The following GAPDHS variants were observed in gnomAD, a reference collection of about 807,000 sequenced individuals.
The protein encoded by GAPDHS is glyceraldehyde-3-phosphate dehydrogenase, testis-specific.
A neutral mutation model predicts 48.7 loss-of-function variants in GAPDHS; 42 were observed. The observed-to-expected ratio is 0.86, with a 90% CI of 0.67 to 1.12. The LOEUF (loss-of-function observed/expected upper bound fraction) is 1.12. Ranked by LOEUF, GAPDHS falls within the 50% of genes most tolerant of loss-of-function variation. The probability of loss-of-function intolerance (pLI) is 0.00; values close to 1 mark genes in which losing one functional copy is unlikely to be tolerated. For missense variants in GAPDHS, 512 were observed against 557.7 expected, an observed-to-expected ratio of 0.92 and a Z score of 0.82; for synonymous variants, 166 against 219.1, an observed-to-expected ratio of 0.76 and a Z score of 2.14.
intron 6 of GAPDHS, 31 bp from the exon 7 acceptor site, chr19:35,542,912 TCA>T (rs770250334): frequency 3.2e-6 from 5 of 1,561,900 alleles, no homozygotes; most frequent in Non-Finnish European, 3.5e-6. Flanking sequence ...GCGACTCACC[TCA>T]CAGTGTCCGT....
chr19:35,536,827 C>A lies in GAPDHS; in HGVS notation c.82C>A (p.Pro28Thr), dbSNP rs1004996438. ...CCCCCGCATAGTGACCAGAGCACCG[C>A]CCCCACCTGAGCCTAAGGCTGAAGT... ...RQPCPVTRAP[P>T]PPEPKAEVEP... The change falls in exon 2 of 11, where the codon CCC (proline) becomes ACC (threonine). Residue 28 changes from proline (P) to threonine (T), a missense_variant. By Grantham distance (38) the Pro-to-Thr change is conservative. Coordinates refer to ENST00000222286, the MANE Select transcript of GAPDHS (RefSeq NM_014364.5). The A allele has an allele frequency of 2.5e-6, 4 of 1,611,770 alleles. No homozygotes were observed. The highest frequency in any genetic ancestry group is 3.4e-6 in the Non-Finnish European group (4 of 1,178,364).
intron 9 of GAPDHS, 99 bp from the exon 10 acceptor site, chr19:35,544,810 T>A (rs985372105): frequency 1.3e-6 from 1 of 776,890 alleles, no homozygotes; most frequent in African/African-American, 1.7e-5. Context: ...ATATTATAGA[T>A]GAATGCATGG....
At chr19:35,542,232 C>A in intron 4 of GAPDHS, 87 bp from the exon 5 acceptor site, 1 of 922,528 alleles carries the variant, frequency 1.1e-6, no homozygotes, top group Non-Finnish European at 1.8e-6. Context: ...CCGGTACCTG[C>A]TCAGCCTGTC....
intron 2 of GAPDHS, among the ~76,000 whole-genome samples, chr19:35,537,319 T>C (rs2071472544): frequency 6.6e-6 from 1 of 151,574 alleles, no homozygotes; most frequent in Non-Finnish European, 1.5e-5. Context: ...GGGACCAGAG[T>C]GATGAGACAC....
rs758348235 is a variant in GAPDHS at position 35,544,996 on chromosome 19, C to T, written c.1144C>T (p.Leu382Phe). 1.2e-6 allele frequency: 2 copies of T among 1,613,020 alleles called. No individual in the cohort carries two copies. Among genetic ancestry groups the T allele is most frequent in the Non-Finnish European group, 1.7e-6 (2 of 1,178,978 alleles). ...GIALNDNFVK[L>F]ISWYDNEYGY... ...TGCGCTCAATGACAATTTCGTGAAG[C>T]TCATTTCATGGTAAGGGGGAAGGAG... Residue 382 changes from leucine (L) to phenylalanine (F), a missense_variant, in exon 10 of 11, where the codon CTC (leucine) becomes TTC (phenylalanine). Coordinates refer to ENST00000222286, the MANE Select transcript of GAPDHS (RefSeq NM_014364.5).
intron 4 of GAPDHS, among the ~76,000 whole-genome samples, chr19:35,539,907 C>A (rs1600131966): frequency 6.6e-6 from 1 of 152,230 alleles, no homozygotes; most frequent in African/African-American, 2.4e-5. Context: ...GCTGCCCCCT[C>A]CGTCCACGGT....
At chr19:35,542,175 G>A (rs1820593951) in intron 4 of GAPDHS, 144 bp from the exon 5 acceptor site, 1 of 636,622 alleles carries the variant, frequency 1.6e-6, no homozygotes, top group South Asian at 1.8e-5. Context: ...AGCCCATCTG[G>A]AACAAGTAGG....
rs2146294155 is a variant in GAPDHS at position 35,538,615 on chromosome 19, C to T, written c.381C>T (p.Tyr127=). 1 of 1,611,930 alleles carries T rather than the reference C, an allele frequency of 6.2e-7. No homozygotes were observed. Among genetic ancestry groups the T allele is most frequent in the East Asian group, 2.2e-5 (1 of 44,866 alleles). The part of the protein sequence containing the change: ...MFKYDSTHGR[Y]KGSVEFRNGQ... ...AGTATGACTCCACCCACGGCCGATA[C>T]AAGGGAAGTGTGGAATTCAGGAATG... Residue 127 remains tyrosine (Y), a synonymous_variant, in exon 4 of 11, where the codon TAC becomes TAT. Transcript: ENST00000222286.
chr19:35,533,592 CGG>C lies in GAPDHS; in HGVS notation c.67_67+1del. The C allele has an allele frequency of 6.2e-7, 1 of 1,610,500 alleles. No homozygotes were observed. Among genetic ancestry groups the C allele is most frequent in the Non-Finnish European group, 8.5e-7 (1 of 1,178,642 alleles). ...GTCCAGTTGCTGCGACAGCCGTGCC[CGG>C]GTGAGGGAGGCAGCGGAGGGCGCGG... On this transcript the variant is annotated frameshift_variant and splice_region_variant, in exon 1 of 11. Transcript: ENST00000222286. LOFTEE classifies it high-confidence loss of function.
chr19:35,536,351 G>A (rs893175119), intron 1 of GAPDHS, among the ~76,000 whole-genome samples: 6 of 151,900 alleles, frequency 3.9e-5, no homozygotes, highest in Non-Finnish European at 5.9e-5. Flanking sequence ...AGGCTGAGGC[G>A]GGTGGATCAC....
intron 7 of GAPDHS, 68 bp downstream of exon 7, chr19:35,543,094 C>A: frequency 4.0e-6 from 5 of 1,260,806 alleles, no homozygotes; most frequent in Non-Finnish European, 5.8e-6. Flanking sequence ...CCGGGCCTTG[C>A]TTACTGTATG....
At chr19:35,542,214 C>A in intron 4 of GAPDHS, 105 bp from the exon 5 acceptor site, 1 of 752,338 alleles carries the variant, frequency 1.3e-6, no homozygotes, top group Non-Finnish European at 2.4e-6. Flanking sequence ...CAGGTGGTTG[C>A]AGGTGGGCCG....
rs185042898 is a variant in GAPDHS, at chr19:35,539,914, C to T, written c.449+1231C>T. Among the ~76,000 whole-genome samples the T allele has an allele frequency of 4.6e-5, 7 of 152,356 alleles. No homozygotes were observed. The East Asian group carries it at 5.8e-4, about 13-fold the overall frequency. On this transcript the variant is annotated intron_variant, in intron 4 of 10. Coordinates refer to ENST00000222286, the MANE Select transcript of GAPDHS (RefSeq NM_014364.5). ...CCCACCTAGCTGCCCCCTCCGTCCACGGTCCCGACTCAGGTCTTGCCTTCT... is the reference window on the plus strand; with the variant it reads ...CCCACCTAGCTGCCCCCTCCGTCCATGGTCCCGACTCAGGTCTTGCCTTCT...
chr19:35,543,084 C>G (rs992870977), intron 7 of GAPDHS, 58 bp downstream of exon 7: 2 of 1,330,450 alleles, frequency 1.5e-6, no homozygotes, highest in African/African-American at 2.9e-5. Context: ...CAACTTCTTC[C>G]CGGGCCTTGC....
Position 35,543,499 on chromosome 19 carries a change from G to A in GAPDHS, c.893+8G>A. 1.9e-6 allele frequency: 3 copies of A among 1,596,250 alleles called. No individual in the cohort carries two copies. Among genetic ancestry groups the A allele is most frequent in the Middle Eastern group, 1.7e-4 (1 of 5,972 alleles). On this transcript the variant is annotated splice_region_variant and intron_variant, in intron 8 of 10. Transcript: ENST00000222286. The stretch of plus-strand genomic sequence containing the variant: ...CATCCCAGAGCTCAAAGGGTATGAG[G>A]ACAAGAAGCTGCAACCAGGGTGGGG...
Position 35,542,310 on chromosome 19 carries a change from T to TC in GAPDHS, c.450-5dup. On this transcript the variant is annotated splice_polypyrimidine_tract_variant and intron_variant, in intron 4 of 10. Transcript: ENST00000222286. ...GGGAGACTGACTCAGCCCTGCCACT[T>TC]CCCCACAGCAAAGAGCCCAAACAGA... 1 of 1,598,626 alleles carries TC rather than the reference T, an allele frequency of 6.3e-7. No individual in the cohort carries two copies. Among genetic ancestry groups the TC allele is most frequent in the African/African-American group, 1.3e-5 (1 of 74,620 alleles).
In GAPDHS at chr19:35,533,746, C is replaced by T. The variant is rs532212200; in HGVS notation, c.67+152C>T. The T allele has an allele frequency of 4.1e-5, 24 of 592,560 alleles. No homozygotes were observed. In the East Asian group the frequency reaches 5.4e-4, roughly 13 times the overall value. 36.7% of individuals were successfully genotyped at this position (592,560 alleles called of 1,614,324 possible). A position where few individuals can be genotyped will look rare whatever the true frequency, so the allele number is the denominator to read the frequency against. On this transcript the variant is annotated intron_variant, in intron 1 of 10. Transcript: ENST00000222286. ...CAGCCGCTCTCCCTCCCTCCACACC[C>T]GCCAGTGTGCTGGCAGAGTGGGGTT...
intron 1 of GAPDHS, among the ~76,000 whole-genome samples, chr19:35,534,208 C>T (rs1013053979): frequency 1.3e-5 from 2 of 152,188 alleles, no homozygotes; most frequent in African/African-American, 4.8e-5. Context: ...CACACACACA[C>T]ACACTCACTC....
At position 35,545,113 on chromosome 19, in the gene GAPDHS, T is replaced by C. The variant is rs778873833; in HGVS notation, c.1170T>C (p.Tyr390=). 9 of 1,613,968 alleles carry C rather than the reference T, an allele frequency of 5.6e-6. No homozygotes were observed. The highest frequency in any genetic ancestry group is 1.1e-5 in the South Asian group (1 of 91,092). Residue 390 remains tyrosine, a synonymous_variant, in exon 11 of 11, where the codon TAT becomes TAC. Coordinates refer to ENST00000222286, the MANE Select transcript of GAPDHS (RefSeq NM_014364.5). The part of the protein sequence containing the change: ...VKLISWYDNE[Y]GYSHRVVDLL... Reference sequence around the variant, plus strand: ...TCCTCCACAGGTACGACAACGAATATGGCTACAGTCACCGGGTGGTCGACC... The same window carrying C: ...TCCTCCACAGGTACGACAACGAATACGGCTACAGTCACCGGGTGGTCGACC...
Sources: gnomAD v4.1 joint callset for allele counts (sites outside exome capture counted in the v4.1 genomes callset) on GRCh38, gnomAD v4.1.1 for gene constraint, MANE v1.5 for transcripts, NCBI Gene and HGNC (gene_info 2026-07-23, HGNC 2026-07-21) for gene names.